Variants in NKAIN4 observed in about 807,000 individuals in gnomAD.
NKAIN4 encodes the protein sodium/potassium-transporting ATPase subunit beta-1-interacting protein 4.
In NKAIN4, 28 loss-of-function variants were observed where a neutral mutation model predicts 28.8. That is an observed-to-expected ratio of 0.97 (90% confidence interval 0.72 to 1.33). The LOEUF (loss-of-function observed/expected upper bound fraction) is 1.33, where lower values mean the gene tolerates loss of function less well. Ranked by LOEUF, NKAIN4 falls within the 40% of genes most tolerant of loss-of-function variation. The pLI is 0.00. For synonymous variants in NKAIN4, 122 were observed against 115.6 expected (o/e 1.06, Z -0.36); for missense variants, 289 against 277.2 (o/e 1.04, Z -0.30).
Position 63,242,880 on chromosome 20 carries a change from G to T in NKAIN4, c.533-257C>A, listed in dbSNP as rs535183783. 1.3e-4 allele frequency among the ~76,000 whole-genome samples: 19 copies of T among 141,350 alleles called. No individual in the cohort carries two copies. The East Asian group carries it at 3.9e-3, about 29-fold the overall frequency. 92.7% of individuals were successfully genotyped at this position (141,350 alleles called of 152,430 possible). On this transcript the variant is annotated intron_variant, in intron 5 of 6. Coordinates refer to ENST00000370316, the MANE Select transcript of NKAIN4 (RefSeq NM_152864.4). ...AGCCCGGATCTTCAGCCTGTGCGGG[G>T]ACATGGCCTGGGGGGACGGCAGGGG...
intron 4 of NKAIN4, chr20:63,244,486 C>T (rs967535498): frequency 1.3e-5 from 6 of 476,858 alleles, no homozygotes; most frequent in Non-Finnish European, 1.7e-5. Flanking sequence ...CCCCAGCCCA[C>T]TCCAGCCAGC....
rs769364224 is a variant in NKAIN4 at position 63,245,824 on chromosome 20, A to C, written c.472-1740T>G. Among the ~76,000 whole-genome samples the C allele has an allele frequency of 8.6e-5, 13 of 152,010 alleles. No individual in the cohort carries two copies. Among genetic ancestry groups the C allele is most frequent in the Non-Finnish European group, 1.2e-4 (8 of 67,982 alleles). On this transcript the variant is annotated intron_variant, in intron 4 of 6. Transcript: ENST00000370316. This position sits in a 1 kb window ranked among gnomAD's most constrained non-coding sequence, Gnocchi z 4.7. ...CCTGGGAGTCAGGATAAAAGCCAAC[A>C]GGAGGCCCCATCTCCCCAACCATGC...
intron 6 of NKAIN4, 65 bp from the exon 7 acceptor site, chr20:63,241,571 C>A: frequency 7.0e-7 from 1 of 1,434,146 alleles, no homozygotes. Context: ...GGGGCTGCCA[C>A]CCCCTCCCCT....
chr20:63,241,444 T>C lies in NKAIN4; in HGVS notation c.*53A>G. The C allele has an allele frequency of 6.5e-7, 1 of 1,548,464 alleles. No individual in the cohort carries two copies. The highest frequency in any genetic ancestry group is 8.7e-7 in the Non-Finnish European group (1 of 1,145,412). ...GCCTGGGAGCTCCTGTCATTGTCAC[T>C]GGTCGGTCGCTGAGGCTGGAGGCCA... On this transcript the variant is annotated 3_prime_UTR_variant, in exon 7 of 7. Transcript: ENST00000370316.
intron 1 of NKAIN4, chr20:63,253,389 C>G (rs765302319): frequency 3.0e-6 from 3 of 985,426 alleles, no homozygotes; most frequent in Non-Finnish European, 3.6e-6. Context: ...CGCCCGCAAG[C>G]CTGTGCCCCT....
At chr20:63,247,330 C>G (rs750995174) in intron 4 of NKAIN4, 21 of 1,458,488 alleles carry the variant, frequency 1.4e-5, no homozygotes, top group South Asian at 6.8e-5. Flanking sequence ...ACACCACGCT[C>G]AACTTGAGAA....
chr20:63,247,776 C>T lies in NKAIN4; in HGVS notation c.274-1G>A. 1.4e-6 allele frequency: 2 copies of T among 1,450,746 alleles called. No individual in the cohort carries two copies. Among genetic ancestry groups the T allele is most frequent in the Non-Finnish European group, 1.8e-6 (2 of 1,097,180 alleles). 89.9% of individuals were successfully genotyped at this position (1,450,746 alleles called of 1,614,324 possible). ...GGCTGAAGGTCAGTAGCTCGCTGTC[C>T]TAGGGGAGAGGTGCAGGAGCAGGGC... On this transcript the variant is annotated splice_acceptor_variant, in intron 3 of 6. Coordinates refer to ENST00000370316, the MANE Select transcript of NKAIN4 (RefSeq NM_152864.4). LOFTEE classifies it high-confidence loss of function.
At position 63,252,062 on chromosome 20, in the gene NKAIN4, G is replaced by A. The variant is rs1234790796; in HGVS notation, c.55-1990C>T. Reference sequence around the variant, plus strand: ...GCGGCTGGGACAAGCTGCACATCTCGGCTAAGGGGTCTCGGCCTGAGGAGC... The same window carrying A: ...GCGGCTGGGACAAGCTGCACATCTCAGCTAAGGGGTCTCGGCCTGAGGAGC... On this transcript the variant is annotated intron_variant, in intron 1 of 6. Transcript: ENST00000370316. This position sits in a 1 kb window ranked among gnomAD's most constrained non-coding sequence, Gnocchi z 4.6. Among the ~76,000 whole-genome samples, 1 of 152,160 alleles carries A rather than the reference G, an allele frequency of 6.6e-6. No individual in the cohort carries two copies. Among genetic ancestry groups the A allele is most frequent in the African/African-American group, 2.4e-5 (1 of 41,426 alleles).
Position 63,241,121 on chromosome 20 carries a change from C to A in NKAIN4, c.*376G>T. 1 of 271,256 alleles carries A rather than the reference C, an allele frequency of 3.7e-6. No homozygotes were observed. The highest frequency in any genetic ancestry group is 7.1e-6 in the Non-Finnish European group (1 of 141,010). 16.8% of individuals were successfully genotyped at this position (271,256 alleles called of 1,614,324 possible). A position where few individuals can be genotyped will look rare whatever the true frequency, so the allele number is the denominator to read the frequency against. ...GCATCCCAGCAGCAGTGCTTGCAGC[C>A]CGAGGGTCCAGCAGCCCCAGGTGGG... On this transcript the variant is annotated 3_prime_UTR_variant, in exon 7 of 7. Transcript: ENST00000370316.
intron 3 of NKAIN4, chr20:63,248,464 G>A (rs550000909): frequency 1.0e-4 from 23 of 224,988 alleles, no homozygotes; most frequent in South Asian, 4.2e-4. Flanking sequence ...AGGGTTGGTC[G>A]GGCTGGGACA....
At position 63,246,161 on chromosome 20, in the gene NKAIN4, C is replaced by T. The variant is rs377414598; in HGVS notation, c.471+1417G>A. On this transcript the variant is annotated intron_variant, in intron 4 of 6. Transcript: ENST00000370316. ...GCCAGGATGGTCTCAGTCTCCTGAC[C>T]TCGTGATCCGCCTGCCTCGGCCTCC... Among the ~76,000 whole-genome samples the T allele has an allele frequency of 4.9e-4, 75 of 152,288 alleles. No homozygotes were observed. The South Asian group carries it at 0.013, about 27-fold the overall frequency.
At chr20:63,253,745 C>A (rs903231927) in intron 1 of NKAIN4, among the ~76,000 whole-genome samples, 2 of 152,180 alleles carry the variant, frequency 1.3e-5, no homozygotes, top group Non-Finnish European at 2.9e-5. Context: ...GGAGCCCCGA[C>A]CAATCCCGAC....
Position 63,242,600 on chromosome 20 carries a change from G to A in NKAIN4, c.556C>T (p.Pro186Ser), listed in dbSNP as rs2066776162. Residue 186 changes from proline (P) to serine (S), a missense_variant, in exon 6 of 7, where the codon CCA becomes TCA. By Grantham distance (74) the Pro-to-Ser change is moderately conservative (BLOSUM62 -1). Transcript: ENST00000370316. ...DSFDFIGGFD[P>S]FPLYHVNEKP... ...TCATTGACATGGTAGAGAGGAAATG[G>A]ATCAAATCCACCAATGAAATCAACT... 1 of 1,612,894 alleles carries A rather than the reference G, an allele frequency of 6.2e-7. No homozygotes were observed. Among genetic ancestry groups the A allele is most frequent in the Non-Finnish European group, 8.5e-7 (1 of 1,179,100 alleles).
intron 1 of NKAIN4, 156 bp downstream of exon 1, chr20:63,254,241 C>T (rs1320498149): frequency 3.5e-6 from 2 of 570,826 alleles, no homozygotes; most frequent in Non-Finnish European, 2.7e-6. Flanking sequence ...ACGCCACCTT[C>T]GGCCGTAGCA....
rs192646534 is a variant in NKAIN4 at position 63,250,645 on chromosome 20, C to G, written c.55-573G>C. 2.0e-3 allele frequency among the ~76,000 whole-genome samples: 303 copies of G among 148,508 alleles called. 3 individuals are homozygous for G. Among genetic ancestry groups the G allele is most frequent in the Non-Finnish European group, 2.5e-3 (167 of 65,818 alleles). ...GCCTCCCCTCCACTTCAGGATATTA[C>G]AGGACTCTGTTGAACTGCCCTCTAC... On this transcript the variant is annotated intron_variant, in intron 1 of 6. Transcript: ENST00000370316.
At chr20:63,250,147 G>A in intron 1 of NKAIN4, 75 bp from the exon 2 acceptor site, 1 of 1,474,968 alleles carries the variant, frequency 6.8e-7, no homozygotes, top group African/African-American at 1.4e-5. Flanking sequence ...ACTGGGCCAA[G>A]GTGACAGGAT....
intron 6 of NKAIN4, chr20:63,241,735 G>C: frequency 1.5e-6 from 1 of 683,948 alleles, no homozygotes; most frequent in Non-Finnish European, 2.7e-6. Flanking sequence ...ACATCTCAGT[G>C]GGGTCTGGCC....
chr20:63,249,857 C>T, intron 2 of NKAIN4, 78 bp downstream of exon 2: 1 of 1,473,468 alleles, frequency 6.8e-7, no homozygotes. Flanking sequence ...GAAAATATGC[C>T]AGGATGGTGC....
At chr20:63,249,897 C>A in intron 2 of NKAIN4, 38 bp downstream of exon 2, 6 of 1,584,462 alleles carry the variant, frequency 3.8e-6, no homozygotes, top group Non-Finnish European at 5.1e-6. Context: ...GTCACCTCAA[C>A]CCACCTGCCC....
Sources: gnomAD v4.1 joint callset for allele counts (sites outside exome capture counted in the v4.1 genomes callset) on GRCh38, gnomAD v4.1.1 for gene constraint, Gnocchi (gnomAD v3.1) non-coding constraint, MANE v1.5 for transcripts, NCBI Gene and HGNC (gene_info 2026-07-23, HGNC 2026-07-21) for gene names.